The following FYN variants were observed in gnomAD, a reference collection of about 807,000 sequenced individuals.
FYN encodes the protein tyrosine-protein kinase Fyn.
In FYN, 10 loss-of-function variants were observed where a neutral mutation model predicts 70.2. The ratio of observed to expected loss-of-function variants is 0.14; its 90% confidence interval spans 0.09 to 0.24. FYN has a LOEUF of 0.24. Among genes scored for constraint, FYN ranks in the 10% least tolerant of loss-of-function variants. The pLI, the probability that FYN is intolerant of heterozygous loss-of-function variation, is 1.00. For missense variants in FYN, 319 were observed against 673.1 expected (o/e 0.47, Z 5.82); for synonymous variants, 236 against 248.6 (o/e 0.95, Z 0.48).
intron 3 of FYN, among the ~76,000 whole-genome samples, chr6:111,735,657 G>A (rs1277849372): frequency 6.6e-6 from 1 of 152,198 alleles, no homozygotes; most frequent in Non-Finnish European, 1.5e-5. Context: ...GAAGCATGGG[G>A]GGGTGCCAGA....
chr6:111,677,814 T>C (rs955099655), intron 12 of FYN, among the ~76,000 whole-genome samples: 11 of 152,284 alleles, frequency 7.2e-5, no homozygotes, highest in African/African-American at 2.6e-4. Context: ...GCAGTTAACT[T>C]GGAATTGTTA....
At chr6:111,692,479 C>A (rs1799378452) in intron 12 of FYN, among the ~76,000 whole-genome samples, 1 of 152,104 alleles carries the variant, frequency 6.6e-6, no homozygotes, top group South Asian at 2.1e-4. Context: ...CCTAGGGCCA[C>A]AGCCTGAGGA....
intron 2 of FYN, among the ~76,000 whole-genome samples, chr6:111,828,239 G>GT (rs1300314755): frequency 6.6e-6 from 1 of 152,090 alleles, no homozygotes; most frequent in Non-Finnish European, 1.5e-5. Context: ...TCCCCAAAGT[G>GT]TTTTCTGAAA....
At chr6:111,768,852 T>C (rs1803330871) in intron 3 of FYN, among the ~76,000 whole-genome samples, 1 of 152,242 alleles carries the variant, frequency 6.6e-6, no homozygotes, top group African/African-American at 2.4e-5. Flanking sequence ...TCTGGTTATT[T>C]AGCAGAAATA....
intron 2 of FYN, among the ~76,000 whole-genome samples, chr6:111,802,862 A>G (rs957497979): frequency 1.3e-5 from 2 of 152,240 alleles, no homozygotes; most frequent in Middle Eastern, 3.2e-3. Context: ...CAGTCCACTT[A>G]ACCACTATTT....
intron 4 of FYN, among the ~76,000 whole-genome samples, chr6:111,717,231 G>A (rs1454006045): frequency 2.0e-5 from 3 of 152,000 alleles, no homozygotes; most frequent in Non-Finnish European, 4.4e-5. Flanking sequence ...TGTTTGATCA[G>A]ACTGTTAGCT....
At chr6:111,772,720 G>C (rs1045975515) in intron 3 of FYN, among the ~76,000 whole-genome samples, 1 of 152,158 alleles carries the variant, frequency 6.6e-6, no homozygotes, top group Admixed American at 6.5e-5. Flanking sequence ...GACAAGCCCA[G>C]AGTGTAAGGC....
At chr6:111,850,053 A>C (rs1773641348) in intron 1 of FYN, among the ~76,000 whole-genome samples, 1 of 152,226 alleles carries the variant, frequency 6.6e-6, no homozygotes, top group African/African-American at 2.4e-5. Flanking sequence ...AGAGAGAATT[A>C]AATCAATGGA....
chr6:111,803,914 C>T (rs1772067354), intron 2 of FYN, among the ~76,000 whole-genome samples: 1 of 152,088 alleles, frequency 6.6e-6, no homozygotes, highest in South Asian at 2.1e-4. Flanking sequence ...AAAAAAATAT[C>T]CATAGTGTTA....
At chr6:111,776,506 C>T (rs948106041) in intron 3 of FYN, among the ~76,000 whole-genome samples, 1 of 152,162 alleles carries the variant, frequency 6.6e-6, no homozygotes, top group African/African-American at 2.4e-5. Flanking sequence ...TCTTCCATTT[C>T]TCTGGCTTTC....
At chr6:111,851,624 C>G (rs1289164518) in intron 1 of FYN, among the ~76,000 whole-genome samples, 1 of 152,218 alleles carries the variant, frequency 6.6e-6, no homozygotes, top group Non-Finnish European at 1.5e-5. Flanking sequence ...TTGTGGTCCA[C>G]AGGCAGGGAG....
intron 3 of FYN, among the ~76,000 whole-genome samples, chr6:111,769,219 C>A (rs2128498575): frequency 6.6e-6 from 1 of 152,282 alleles, no homozygotes; most frequent in African/African-American, 2.4e-5. Flanking sequence ...TGAAAGATAT[C>A]AAAAAACATG....
intron 2 of FYN, among the ~76,000 whole-genome samples, chr6:111,802,229 C>T (rs1772009355): frequency 6.6e-6 from 1 of 151,598 alleles, no homozygotes; most frequent in Non-Finnish European, 1.5e-5. Context: ...GGCACCTCCC[C>T]CTCTCCTCTC....
chr6:111,698,693 T>C (rs907809931), intron 9 of FYN, among the ~76,000 whole-genome samples: 1 of 152,098 alleles, frequency 6.6e-6, no homozygotes, highest in African/African-American at 2.4e-5. Context: ...TCAATGACAA[T>C]CAAATAAAGA....
chr6:111,840,235 C>T (rs768941626), intron 2 of FYN, among the ~76,000 whole-genome samples: 1 of 152,144 alleles, frequency 6.6e-6, no homozygotes, highest in African/African-American at 2.4e-5. Context: ...ATCCCTTTAC[C>T]TTATATGGCA....
Position 111,808,154 on chromosome 6 carries a change from C to T in FYN, c.-81-27519G>A, listed in dbSNP as rs569416648. Among the ~76,000 whole-genome samples, 4 of 152,250 alleles carry T rather than the reference C, an allele frequency of 2.6e-5. No individual in the cohort carries two copies. In the East Asian group the frequency reaches 5.8e-4, roughly 22 times the overall value. The stretch of plus-strand genomic sequence containing the variant: ...ACAAAAAAAACCTGAGATCAGAGGT[C>T]AGTCCCTCTGGAACCACTCAGCTTT... On this transcript the variant is annotated intron_variant, in intron 2 of 13. Coordinates refer to ENST00000354650, the MANE Select transcript of FYN (RefSeq NM_002037.5).
chr6:111,781,581 C>T (rs755999929), intron 2 of FYN, among the ~76,000 whole-genome samples: 1 of 152,206 alleles, frequency 6.6e-6, no homozygotes, highest in African/African-American at 2.4e-5. Flanking sequence ...AGCTTTTCGA[C>T]ATTATCCTAT....
intron 5 of FYN, among the ~76,000 whole-genome samples, chr6:111,713,861 G>A (rs1800499686): frequency 6.6e-6 from 1 of 152,188 alleles, no homozygotes; most frequent in Non-Finnish European, 1.5e-5. Flanking sequence ...ATAGGGAAAC[G>A]CCTCCACAGG....
intron 3 of FYN, among the ~76,000 whole-genome samples, chr6:111,777,357 C>CTTTTTTTTTTTTTTTTTTTTTTTT (rs1562517057): frequency 6.6e-6 from 1 of 152,060 alleles, no homozygotes; most frequent in Admixed American, 6.6e-5. Context: ...AAGATATTTC[C>CTTTTTTTTTTTTTTTTTTTTTTTT]ATTTTTAAAC....
Sources: allele counts gnomAD v4.1 joint callset (sites outside exome capture counted in the v4.1 genomes callset), GRCh38; gene constraint gnomAD v4.1.1; transcripts MANE v1.5; gene names NCBI Gene and HGNC (gene_info 2026-07-23, HGNC 2026-07-21).